FBLN5: variants seen among roughly 807,000 people sequenced by gnomAD.
FBLN5 encodes the protein fibulin-5.
A neutral mutation model predicts 61.6 loss-of-function variants in FBLN5; 24 were observed. The ratio of observed to expected loss-of-function variants is 0.39; its 90% CI spans 0.28 to 0.55. FBLN5 has a LOEUF of 0.55. Among genes scored for constraint, FBLN5 ranks in the 20% least tolerant of loss-of-function variants. The pLI, the probability that FBLN5 is intolerant of heterozygous loss-of-function variation, is 0.65. For missense variants in FBLN5, 470 were observed against 594.1 expected (o/e 0.79, Z 2.17); for synonymous variants, 213 against 219.8 (o/e 0.97, Z 0.27).
chr14:91,915,409 AG>A (rs1891146385), intron 4 of FBLN5, among the ~76,000 whole-genome samples: 1 of 151,948 alleles, frequency 6.6e-6, no homozygotes, highest in South Asian at 2.1e-4. Flanking sequence ...GTAGCGGCCA[AG>A]CACGGTGGCT....
chr14:91,908,518 A>T (rs1481462018), intron 4 of FBLN5, among the ~76,000 whole-genome samples: 1 of 152,232 alleles, frequency 6.6e-6, no homozygotes, highest in Non-Finnish European at 1.5e-5. Context: ...ATTTGAGCCC[A>T]GTCTTTTCTT....
At position 91,877,518 on chromosome 14, in the gene FBLN5, G is replaced by T. The variant is rs1174467582; in HGVS notation, c.1154C>A (p.Ser385Tyr). ...PGAYYIFQIK[S>Y]GNEGREFYMR... ...GTAAAATTCTCTGCCCTCATTCCCA[G>T]ATTTGATCTGGAAAATGTAATAGGC... The change falls in exon 10 of 11, where the codon TCT becomes TAT. Residue 385 changes from serine to tyrosine, a missense_variant. Physicochemically the swap from Ser to Tyr is moderately radical, Grantham distance 144 (BLOSUM62 -2). Transcript: ENST00000342058. The T allele has an allele frequency of 6.2e-7, 1 of 1,614,054 alleles. No individual in the cohort carries two copies. Among genetic ancestry groups the T allele is most frequent in the Non-Finnish European group, 8.5e-7 (1 of 1,179,994 alleles).
intron 6 of FBLN5, among the ~76,000 whole-genome samples, chr14:91,890,674 CG>C (rs1889952195): frequency 6.6e-6 from 1 of 152,306 alleles, no homozygotes; most frequent in South Asian, 2.1e-4. Context: ...TGTGGGGGCA[CG>C]CTGAGTAGCA....
At chr14:91,906,234 C>CCT (rs1890682022) in intron 4 of FBLN5, among the ~76,000 whole-genome samples, 1 of 152,178 alleles carries the variant, frequency 6.6e-6, no homozygotes, top group Admixed American at 6.5e-5. Context: ...AATCCCCTGC[C>CCT]CTCTCCCCAC....
At chr14:91,899,405 G>A (rs572620001) in intron 4 of FBLN5, among the ~76,000 whole-genome samples, 3 of 152,338 alleles carry the variant, frequency 2.0e-5, no homozygotes, top group Non-Finnish European at 4.4e-5. Context: ...GGCAACTGGA[G>A]GAAAGCGCTC....
At chr14:91,915,416 T>C (rs1566817994) in intron 4 of FBLN5, among the ~76,000 whole-genome samples, 2 of 152,036 alleles carry the variant, frequency 1.3e-5, no homozygotes, top group Admixed American at 1.3e-4. Flanking sequence ...CCAAGCACGG[T>C]GGCTCACGCC....
At chr14:91,903,513 T>G (rs976196264) in intron 4 of FBLN5, among the ~76,000 whole-genome samples, 66 of 152,332 alleles carry the variant, frequency 4.3e-4, no homozygotes, top group African/African-American at 1.5e-3. Flanking sequence ...AGTTTCTACA[T>G]GCTGTGGATC....
intron 4 of FBLN5, among the ~76,000 whole-genome samples, chr14:91,921,916 G>A (rs2055742605): frequency 6.6e-6 from 1 of 152,194 alleles, no homozygotes. Context: ...GCCTAAAAGG[G>A]CCTAAAGCTG....
chr14:91,909,449 G>C (rs1048815896), intron 4 of FBLN5, among the ~76,000 whole-genome samples: 2 of 152,174 alleles, frequency 1.3e-5, no homozygotes, highest in African/African-American at 4.8e-5. Context: ...GTCCCTCAAA[G>C]TTCATGTACT....
rs1890536316 is a variant in FBLN5, at chr14:91,903,258, CTTTCTTT to C, written c.380-8193_380-8187del. ...TGCTTTTCTGGTGTACGGACAGAGC[CTTTCTTT>C]AACTCCACCCTGTAGTAGTTGGGTG... On this transcript the variant is annotated intron_variant, in intron 4 of 10. Coordinates refer to ENST00000342058, the MANE Select transcript of FBLN5 (RefSeq NM_006329.4). 2.0e-5 allele frequency among the ~76,000 whole-genome samples: 3 copies of C among 152,098 alleles called. No homozygotes were observed. The South Asian group carries it at 6.2e-4, about 32-fold the overall frequency.
intron 4 of FBLN5, among the ~76,000 whole-genome samples, chr14:91,928,745 C>T (rs1486232953): frequency 6.6e-6 from 1 of 151,336 alleles, no homozygotes; most frequent in Non-Finnish European, 1.5e-5. Flanking sequence ...GTAATCCATC[C>T]AGCTTGGATA....
intron 5 of FBLN5, among the ~76,000 whole-genome samples, chr14:91,894,109 A>G (rs113113888): frequency 1.3e-5 from 2 of 152,214 alleles, no homozygotes; most frequent in African/African-American, 4.8e-5. Context: ...CTTAAAAAAT[A>G]TATTTGAGGC....
chr14:91,928,137 C>T lies in FBLN5; in HGVS notation c.379+8810G>A, dbSNP rs575750702. 3.9e-5 allele frequency among the ~76,000 whole-genome samples: 6 copies of T among 152,296 alleles called. No individual in the cohort carries two copies. In the South Asian group the frequency reaches 1.2e-3, roughly 32 times the overall value. The stretch of plus-strand genomic sequence containing the variant: ...CACAAGTGGAGACTTGGTAGGGTCC[C>T]GGCAGGTGTCAGCAGGCATGTGTGC... On this transcript the variant is annotated intron_variant, in intron 4 of 10. Coordinates refer to ENST00000342058, the MANE Select transcript of FBLN5 (RefSeq NM_006329.4).
chr14:91,929,636 T>C (rs568128742), intron 4 of FBLN5, among the ~76,000 whole-genome samples: 34 of 152,268 alleles, frequency 2.2e-4, no homozygotes, highest in Non-Finnish European at 4.6e-4. Flanking sequence ...TTCCAGTTTG[T>C]GTTTTGTTTT....
intron 6 of FBLN5, among the ~76,000 whole-genome samples, chr14:91,888,171 C>G (rs184106980): frequency 6.6e-6 from 1 of 151,790 alleles, no homozygotes; most frequent in Admixed American, 6.6e-5. Flanking sequence ...ATGTGGCACA[C>G]GCCTGAGGTC....
At chr14:91,896,490 T>A (rs1056630372) in intron 4 of FBLN5, among the ~76,000 whole-genome samples, 12 of 152,266 alleles carry the variant, frequency 7.9e-5, no homozygotes, top group African/African-American at 2.2e-4. Context: ...AAGCTGCAAT[T>A]CACTGAGCCT....
chr14:91,942,435 C>A (rs1019204536), intron 2 of FBLN5, among the ~76,000 whole-genome samples: 3 of 152,236 alleles, frequency 2.0e-5, no homozygotes, highest in African/African-American at 7.2e-5. Context: ...TGCCATTGCC[C>A]AGAAACACTA....
chr14:91,885,094 C>T lies in FBLN5; in HGVS notation c.740-2018G>A, dbSNP rs180721824. ...AACACAGTGAGGATAACAGTGCCTG[C>T]GGAAATGGAGAAGTGCAGAAAGGGG... On this transcript the variant is annotated intron_variant, in intron 7 of 10. Coordinates refer to ENST00000342058, the MANE Select transcript of FBLN5 (RefSeq NM_006329.4). 7.9e-4 allele frequency among the ~76,000 whole-genome samples: 120 copies of T among 152,246 alleles called. 1 individual carries two copies. The highest frequency in any genetic ancestry group is 2.7e-3 in the African/African-American group (113 of 41,528).
chr14:91,936,816 G>A, intron 4 of FBLN5, 131 bp downstream of exon 4: 1 of 1,090,984 alleles, frequency 9.2e-7, no homozygotes, highest in East Asian at 2.4e-5. Context: ...AAATAAGTAT[G>A]CAGAGAGTAA....
Sources: allele counts gnomAD v4.1 joint callset (sites outside exome capture counted in the v4.1 genomes callset), GRCh38; gene constraint gnomAD v4.1.1; transcripts MANE v1.5; gene names NCBI Gene and HGNC (gene_info 2026-07-23, HGNC 2026-07-21).